The following ALDH1A1 variants were observed in gnomAD, a reference collection of about 807,000 sequenced individuals.
The protein encoded by ALDH1A1 is aldehyde dehydrogenase 1A1.
Under a neutral mutation model 62.1 loss-of-function variants are expected in ALDH1A1, and 19 were observed. That is an observed-to-expected ratio of 0.31 (90% CI 0.21 to 0.45). The LOEUF is 0.45. ALDH1A1 is among the 20% of genes least tolerant of loss of function. ALDH1A1 has a pLI of 1.00. For synonymous variants in ALDH1A1, 231 were observed against 215.9 expected (o/e 1.07, Z -0.61); for missense variants, 521 against 607.1 (o/e 0.86, Z 1.49).
intron 2 of ALDH1A1, among the ~76,000 whole-genome samples, chr9:72,937,190 C>G (rs1429245086): frequency 6.6e-6 from 1 of 152,014 alleles, no homozygotes; most frequent in Admixed American, 6.6e-5. Flanking sequence ...ATAGAATATA[C>G]TATATCTATA....
At chr9:72,927,988 C>T (rs1195171490) in intron 4 of ALDH1A1, among the ~76,000 whole-genome samples, 1 of 140,456 alleles carries the variant, frequency 7.1e-6, no homozygotes, top group African/African-American at 2.5e-5. Context: ...GGACTCTCTT[C>T]ATCAAGATCT....
chr9:72,902,374 C>T (rs922565551), intron 12 of ALDH1A1, among the ~76,000 whole-genome samples: 5 of 151,970 alleles, frequency 3.3e-5, no homozygotes, highest in African/African-American at 1.2e-4. Flanking sequence ...TTTTTTACCC[C>T]TCCCTTCTTG....
intron 12 of ALDH1A1, among the ~76,000 whole-genome samples, chr9:72,902,074 C>T (rs953430902): frequency 6.6e-6 from 1 of 151,990 alleles, no homozygotes; most frequent in Non-Finnish European, 1.5e-5. Context: ...ACAACCTCCT[C>T]GTCCCCTACC....
chr9:72,935,505 T>G (rs911638364), intron 2 of ALDH1A1, among the ~76,000 whole-genome samples: 2 of 152,116 alleles, frequency 1.3e-5, no homozygotes, highest in African/African-American at 4.8e-5. Flanking sequence ...ATGGAGAAAA[T>G]AGTTATCAGA....
intron 2 of ALDH1A1, among the ~76,000 whole-genome samples, chr9:72,932,719 C>T (rs919171218): frequency 8.5e-5 from 13 of 152,148 alleles, no homozygotes; most frequent in African/African-American, 2.4e-4. Context: ...TCATGCCACA[C>T]GTTCTAACTT....
intron 7 of ALDH1A1, among the ~76,000 whole-genome samples, chr9:72,923,603 A>G (rs1830167992): frequency 6.6e-6 from 1 of 152,176 alleles, no homozygotes; most frequent in Non-Finnish European, 1.5e-5. Flanking sequence ...TCTCTTTCAC[A>G]GTGTCCAGGA....
chr9:72,948,559 G>GC (rs1375932009), intron 1 of ALDH1A1, among the ~76,000 whole-genome samples: 1 of 151,710 alleles, frequency 6.6e-6, no homozygotes, highest in Non-Finnish European at 1.5e-5. Context: ...CCTACTCTTG[G>GC]CCACCTTATT....
intron 5 of ALDH1A1, 41 bp from the exon 6 acceptor site, chr9:72,925,653 A>C (rs759915629): frequency 6.3e-7 from 1 of 1,599,146 alleles, no homozygotes; most frequent in Admixed American, 1.7e-5. Context: ...TGTATTGCAA[A>C]AGGCATATTT....
intron 5 of ALDH1A1, among the ~76,000 whole-genome samples, chr9:72,926,556 A>G (rs1466216951): frequency 6.6e-6 from 1 of 152,240 alleles, no homozygotes. Context: ...TAAGAGTAAT[A>G]TGGAGGATCT....
At chr9:72,943,323 CAATAT>C in intron 1 of ALDH1A1, among the ~76,000 whole-genome samples, 1 of 152,206 alleles carries the variant, frequency 6.6e-6, no homozygotes, top group Middle Eastern at 3.4e-3. Context: ...AATATGCTCT[CAATAT>C]ATTATAGCTT....
chr9:72,908,519 GAAAGAA>G (rs1486834598), intron 11 of ALDH1A1, among the ~76,000 whole-genome samples: 1 of 105,150 alleles, frequency 9.5e-6, no homozygotes, highest in Non-Finnish European at 1.9e-5. Flanking sequence ...AAGAAAGAAA[GAAAGAA>G]AGAAAGAAAG....
intron 7 of ALDH1A1, 151 bp from the exon 8 acceptor site, chr9:72,918,973 C>A: frequency 1.7e-6 from 1 of 584,016 alleles, no homozygotes; most frequent in Non-Finnish European, 3.0e-6. Flanking sequence ...CGAAGTCTCA[C>A]ACTGTCGACT....
chr9:72,946,705 A>G (rs1830479559), intron 1 of ALDH1A1, among the ~76,000 whole-genome samples: 1 of 151,892 alleles, frequency 6.6e-6, no homozygotes, highest in Non-Finnish European at 1.5e-5. Flanking sequence ...TCCCCTGGCT[A>G]TAGTTATAAT....
At chr9:72,913,366 A>C (rs1195750473) in intron 9 of ALDH1A1, among the ~76,000 whole-genome samples, 2 of 152,188 alleles carry the variant, frequency 1.3e-5, no homozygotes, top group Non-Finnish European at 2.9e-5. Flanking sequence ...ATTAAGAAAA[A>C]AATAGTGTTA....
Position 72,924,151 on chromosome 9 carries a change from A to T in ALDH1A1, c.634-19T>A. ...ACCCTGCCTAAAAGATAAAAAGTTT[A>T]AAAGTTACAGTATAAGAATTTAATT... On this transcript the variant is annotated intron_variant, in intron 6 of 12. Transcript: ENST00000297785. 1 of 1,554,078 alleles carries T rather than the reference A, an allele frequency of 6.4e-7. No individual in the cohort carries two copies. Among genetic ancestry groups the T allele is most frequent in the Non-Finnish European group, 8.8e-7 (1 of 1,135,640 alleles).
intron 1 of ALDH1A1, among the ~76,000 whole-genome samples, chr9:72,945,004 G>A (rs781680212): frequency 2.2e-4 from 34 of 152,032 alleles, no homozygotes; most frequent in Non-Finnish European, 4.6e-4. Context: ...TTTAAGAAAT[G>A]CATCATTTTA....
At chr9:72,941,470 A>G (rs1485128184) in intron 1 of ALDH1A1, among the ~76,000 whole-genome samples, 1 of 152,148 alleles carries the variant, frequency 6.6e-6, no homozygotes, top group African/African-American at 2.4e-5. Context: ...TAGACAAAAT[A>G]TACTTCCCTG....
chr9:72,912,187 G>T (rs908317559), intron 9 of ALDH1A1, 65 bp from the exon 10 acceptor site: 13 of 1,427,082 alleles, frequency 9.1e-6, no homozygotes, highest in South Asian at 3.8e-5. Flanking sequence ...ACATTGCTGG[G>T]CCTGTTAACA....
intron 1 of ALDH1A1, among the ~76,000 whole-genome samples, chr9:72,948,152 T>C (rs1250596241): frequency 3.3e-5 from 5 of 151,884 alleles, no homozygotes; most frequent in Admixed American, 2.6e-4. Flanking sequence ...ATTAAATACA[T>C]AGAATAGCTG....
Sources: allele counts gnomAD v4.1 joint callset (sites outside exome capture counted in the v4.1 genomes callset), GRCh38; gene constraint gnomAD v4.1.1; transcripts MANE v1.5; gene names NCBI Gene and HGNC (gene_info 2026-07-23, HGNC 2026-07-21).